MYOM1: variants seen among roughly 807,000 people sequenced by gnomAD.
MYOM1 encodes myomesin-1.
MYOM1 carries 164 observed loss-of-function variants against 205.3 expected under a neutral mutation model. The observed-to-expected ratio is 0.80, with a 90% CI of 0.70 to 0.91. MYOM1 has a LOEUF of 0.91. Ranked by LOEUF, MYOM1 falls within the 40% of genes least tolerant of loss-of-function variation. The pLI is 0.00. For missense variants in MYOM1, 2,011 were observed against 2,127.3 expected (o/e 0.95, Z 1.08); for synonymous variants, 772 against 789.4 (o/e 0.98, Z 0.37).
chr18:3,180,734 A>G (rs2080717601), intron 5 of MYOM1, among the ~76,000 whole-genome samples: 1 of 152,104 alleles, frequency 6.6e-6, no homozygotes, highest in African/African-American at 2.4e-5. Flanking sequence ...AGTATACTAT[A>G]AGTTTTTCCA....
At chr18:3,110,962 C>CT (rs1284375276) in intron 22 of MYOM1, among the ~76,000 whole-genome samples, 1 of 144,902 alleles carries the variant, frequency 6.9e-6, no homozygotes, top group Non-Finnish European at 1.5e-5. Flanking sequence ...AATTTTCTTT[C>CT]TTTTTTTGGG....
intron 5 of MYOM1, among the ~76,000 whole-genome samples, chr18:3,178,784 A>G (rs963365865): frequency 1.3e-5 from 2 of 152,144 alleles, no homozygotes; most frequent in Admixed American, 1.3e-4. Context: ...GTTACTAAAT[A>G]TAACATTTAT....
intron 5 of MYOM1, among the ~76,000 whole-genome samples, chr18:3,182,835 CGACA>C (rs971060608): frequency 2.0e-5 from 3 of 151,244 alleles, no homozygotes; most frequent in African/African-American, 7.3e-5. Context: ...CCTTCTATGT[CGACA>C]GAGTCCTCCT....
At chr18:3,228,770 C>T in the MYOM1 span, among the ~76,000 whole-genome samples, 4 of 152,274 alleles carry the variant, frequency 2.6e-5, no homozygotes, top group East Asian at 7.7e-4. This position sits in a 1 kb window ranked among gnomAD's most constrained non-coding sequence, Gnocchi z 4.5. Context: ...TCCTGGGTCC[C>T]GCGCGTGACC....
intron 2 of MYOM1, among the ~76,000 whole-genome samples, chr18:3,212,801 T>C (rs2081206854): frequency 6.6e-6 from 1 of 151,988 alleles, no homozygotes; most frequent in Admixed American, 6.6e-5. Context: ...GAGGCTGTCA[T>C]ATACATATGG....
intron 18 of MYOM1, among the ~76,000 whole-genome samples, chr18:3,128,569 C>T (rs1464307437): frequency 6.6e-6 from 1 of 152,154 alleles, no homozygotes; most frequent in East Asian, 1.9e-4. Flanking sequence ...AACTTTTAAA[C>T]TTTTCATGGT....
intron 35 of MYOM1, 91 bp downstream of exon 35, chr18:3,075,634 G>C (rs771743083): frequency 6.9e-7 from 1 of 1,458,456 alleles, no homozygotes; most frequent in Non-Finnish European, 9.6e-7. Flanking sequence ...GAAATAAAAG[G>C]CTCTTTCTAA....
intron 2 of MYOM1, among the ~76,000 whole-genome samples, chr18:3,210,467 T>C (rs868021598): frequency 5.3e-5 from 8 of 152,166 alleles, no homozygotes; most frequent in Admixed American, 1.3e-4. Flanking sequence ...AGCCTCAGTG[T>C]TTTCATCCCC....
At chr18:3,109,319 G>A (rs1383663779) in intron 22 of MYOM1, among the ~76,000 whole-genome samples, 3 of 152,100 alleles carry the variant, frequency 2.0e-5, no homozygotes, top group Admixed American at 6.5e-5. Flanking sequence ...ACTTAGCTGA[G>A]GTTTTCCAGA....
At chr18:3,116,056 G>A (rs1164356922) in intron 21 of MYOM1, among the ~76,000 whole-genome samples, 2 of 152,192 alleles carry the variant, frequency 1.3e-5, no homozygotes, top group Admixed American at 6.5e-5. Flanking sequence ...ACAAAAATGT[G>A]TAGTGGGTAA....
Position 3,147,121 on chromosome 18 carries a change from A to AT in MYOM1, c.1900+2023_1900+2024insA, listed in dbSNP as rs1567933088. Among the ~76,000 whole-genome samples the AT allele has an allele frequency of 9.2e-4, 129 of 139,966 alleles. 1 individual carries two copies. Among genetic ancestry groups the AT allele is most frequent in the South Asian group, 4.6e-3 (21 of 4,604 alleles). 91.8% of individuals were successfully genotyped at this position (139,966 alleles called of 152,430 possible). A position where few individuals can be genotyped will look rare whatever the true frequency, so the allele number is the denominator to read the frequency against. ...AGATAAATATATATATTTATATATA[A>AT]ATATTATATATTATAGATAAATATA... On this transcript the variant is annotated intron_variant, in intron 13 of 37. Transcript: ENST00000356443.
chr18:3,182,901 C>G (rs2144122846), intron 5 of MYOM1, among the ~76,000 whole-genome samples: 2 of 141,202 alleles, frequency 1.4e-5, no homozygotes, highest in Admixed American at 1.4e-4. Context: ...CTGCAACTAA[C>G]TTTTCTTTCT....
chr18:3,197,699 C>T (rs1435007083), intron 2 of MYOM1, among the ~76,000 whole-genome samples: 4 of 151,612 alleles, frequency 2.6e-5, no homozygotes, highest in Non-Finnish European at 5.9e-5. Context: ...TGGTGAAACC[C>T]CGTCTTTACT....
chr18:3,082,388 C>T (rs1419938257), intron 33 of MYOM1, among the ~76,000 whole-genome samples: 1 of 152,196 alleles, frequency 6.6e-6, no homozygotes. Context: ...GGTCACCTCC[C>T]CGAGCCCTAG....
chr18:3,079,422 T>C, intron 33 of MYOM1, 80 bp from the exon 34 acceptor site: 1 of 1,443,918 alleles, frequency 6.9e-7, no homozygotes, highest in Non-Finnish European at 9.2e-7. Flanking sequence ...TTGAAGCTCT[T>C]GCCATAAAGT....
Position 3,179,733 on chromosome 18 carries a change from A to T in MYOM1, c.930-3599T>A, listed in dbSNP as rs1254995396. ...CCACTGGCCACTTCTAATCTCCCGC[A>T]TTCCCCGTTTAGATGAAGTACAGGG... On this transcript the variant is annotated intron_variant, in intron 5 of 37. Coordinates refer to ENST00000356443, the MANE Select transcript of MYOM1 (RefSeq NM_003803.4). The surrounding 1 kb of genome is among the most constrained non-coding windows in gnomAD (Gnocchi z 4.4). 6.6e-6 allele frequency among the ~76,000 whole-genome samples: 1 copy of T among 152,194 alleles called. No homozygotes were observed. Among genetic ancestry groups the T allele is most frequent in the Non-Finnish European group, 1.5e-5 (1 of 68,032 alleles).
At chr18:3,153,980 C>T (rs778911611) in intron 11 of MYOM1, among the ~76,000 whole-genome samples, 3 of 152,080 alleles carry the variant, frequency 2.0e-5, no homozygotes, top group Non-Finnish European at 4.4e-5. Context: ...AATATCAGAG[C>T]CTCTAAGTTT....
chr18:3,166,008 G>A (rs1449144798), intron 9 of MYOM1, among the ~76,000 whole-genome samples: 2 of 152,148 alleles, frequency 1.3e-5, no homozygotes, highest in Non-Finnish European at 2.9e-5. Context: ...ACTGTGCCCA[G>A]GAGCCTGCAC....
Position 3,135,641 on chromosome 18 carries a change from C to G in MYOM1, c.2115G>C (p.Gly705=). ...PRFALFDLAE[G]KSYCFRVRCS... is the part of the protein sequence containing the mutation. ...AGCGGACACGGAAACAGTAGGATTT[C>G]CCCTCGGCCAAGTCAAACAGAGCAA... The change falls in exon 15 of 38, where the codon GGG becomes GGC. Residue 705 remains glycine, a synonymous_variant. Coordinates refer to ENST00000356443, the MANE Select transcript of MYOM1 (RefSeq NM_003803.4). The surrounding 1 kb of genome is among the most constrained non-coding windows in gnomAD (Gnocchi z 4.1). The G allele has an allele frequency of 6.2e-7, 1 of 1,613,938 alleles. No homozygotes were observed. Among genetic ancestry groups the G allele is most frequent in the African/African-American group, 1.3e-5 (1 of 75,030 alleles).
Sources: allele counts gnomAD v4.1 joint callset (sites outside exome capture counted in the v4.1 genomes callset), GRCh38; gene constraint gnomAD v4.1.1; non-coding constraint Gnocchi (gnomAD v3.1); transcripts MANE v1.5; gene names NCBI Gene and HGNC (gene_info 2026-07-23, HGNC 2026-07-21).